The following ZFPM2 variants were observed in gnomAD, a reference collection of about 807,000 sequenced individuals.
The protein encoded by ZFPM2 is zinc finger protein, FOG family member 2, also known as zinc finger protein ZFPM2.
In ZFPM2, 20 loss-of-function variants were observed where a neutral mutation model predicts 98.6. The ratio of observed to expected loss-of-function variants is 0.20; its 90% CI spans 0.14 to 0.29. The LOEUF is 0.29. Ranked by LOEUF, ZFPM2 falls within the 10% of genes least tolerant of loss-of-function variation. The probability of loss-of-function intolerance (pLI) is 1.00; values close to 1 mark genes in which losing one functional copy is unlikely to be tolerated. For synonymous variants in ZFPM2, 518 were observed against 502.7 expected (o/e 1.03, Z -0.41); for missense variants, 1,310 against 1,388.6 (o/e 0.94, Z 0.90).
chr8:105,662,222 A>T (rs1817403251), intron 5 of ZFPM2: 1 of 152,232 alleles, frequency 6.6e-6, no homozygotes, highest in Admixed American at 6.5e-5. Flanking sequence ...GCACACAGTC[A>T]GGGGCTTGTT....
At chr8:105,360,495 T>C (rs1220691867) in intron 1 of ZFPM2, among the ~76,000 whole-genome samples, 4 of 152,200 alleles carry the variant, frequency 2.6e-5, no homozygotes, top group Non-Finnish European at 5.9e-5. Context: ...TATTATACTT[T>C]AAGTTTTAGG....
intron 4 of ZFPM2, among the ~76,000 whole-genome samples, chr8:105,587,356 T>C (rs531007326): frequency 6.6e-6 from 1 of 150,452 alleles, no homozygotes; most frequent in Non-Finnish European, 1.5e-5. Context: ...AAAGTGAAGA[T>C]GATGTGTCTC....
At position 105,501,533 on chromosome 8, in the gene ZFPM2, T is replaced by C. The variant is rs186630162; in HGVS notation, c.301+57152T>C. 1.4e-3 allele frequency among the ~76,000 whole-genome samples: 218 copies of C among 150,744 alleles called. 5 individuals are homozygous for C. The East Asian group carries it at 0.038, about 26-fold the overall frequency. Reference sequence around the variant, plus strand: ...TTCTTTTCTTTTTTGAGACTGAGTCTCACTCTGTCACCCAGGCTGGAGTGC... The same window carrying C: ...TTCTTTTCTTTTTTGAGACTGAGTCCCACTCTGTCACCCAGGCTGGAGTGC... On this transcript the variant is annotated intron_variant, in intron 3 of 7. Transcript: ENST00000407775.
At chr8:105,442,402 A>G (rs1812272824) in intron 2 of ZFPM2, among the ~76,000 whole-genome samples, 1 of 152,016 alleles carries the variant, frequency 6.6e-6, no homozygotes, top group African/African-American at 2.4e-5. Context: ...CTTACCTTGC[A>G]TTTTCATTTG....
At chr8:105,365,063 C>G (rs1393197993) in intron 1 of ZFPM2, among the ~76,000 whole-genome samples, 1 of 152,148 alleles carries the variant, frequency 6.6e-6, no homozygotes, top group East Asian at 1.9e-4. Context: ...TCTGATAAGA[C>G]CAGCTTGGTT....
chr8:105,560,286 T>C lies in ZFPM2; in HGVS notation c.302-1077T>C, dbSNP rs115787297. On this transcript the variant is annotated intron_variant, in intron 3 of 7. Coordinates refer to ENST00000407775, the MANE Select transcript of ZFPM2 (RefSeq NM_012082.4). ...ACATTAAAATTGACGCAAAAGTAAT[T>C]GTGGTTTTTGCCATAGTTTTGCACC... is the stretch of plus-strand genomic sequence containing the variant. Among the ~76,000 whole-genome samples, 737 of 152,186 alleles carry C rather than the reference T, an allele frequency of 4.8e-3. 10 individuals are homozygous for C. The highest frequency in any genetic ancestry group is 0.017 in the African/African-American group (709 of 41,546).
At chr8:105,394,671 G>T (rs1271390969) in intron 1 of ZFPM2, among the ~76,000 whole-genome samples, 1 of 152,194 alleles carries the variant, frequency 6.6e-6, no homozygotes, top group African/African-American at 2.4e-5. Context: ...GAGCGGCTTC[G>T]AGTGTGGGCT....
At chr8:105,646,324 AAGGG>A (rs1460134314) in intron 5 of ZFPM2, among the ~76,000 whole-genome samples, 2 of 152,080 alleles carry the variant, frequency 1.3e-5, no homozygotes, top group Non-Finnish European at 2.9e-5. Context: ...AAAACTGCAA[AAGGG>A]AGGGGTAGTG....
intron 5 of ZFPM2, among the ~76,000 whole-genome samples, chr8:105,637,427 A>G (rs1360402023): frequency 3.9e-5 from 6 of 152,128 alleles, no homozygotes; most frequent in African/African-American, 1.4e-4. Context: ...CCCTCTTGAA[A>G]ACTCACAATG....
intron 5 of ZFPM2, among the ~76,000 whole-genome samples, chr8:105,778,776 C>T (rs1165277544): frequency 1.3e-5 from 2 of 152,096 alleles, no homozygotes; most frequent in Non-Finnish European, 2.9e-5. Flanking sequence ...TATGCAAGAG[C>T]TATTTAAAAA....
At chr8:105,721,634 G>T (rs1409161972) in intron 5 of ZFPM2, among the ~76,000 whole-genome samples, 1 of 151,828 alleles carries the variant, frequency 6.6e-6, no homozygotes, top group Non-Finnish European at 1.5e-5. Context: ...ACTGTATTTA[G>T]GTCACTATTG....
intron 5 of ZFPM2, 68 bp downstream of exon 5, chr8:105,634,425 G>A: frequency 8.3e-7 from 1 of 1,212,038 alleles, no homozygotes; most frequent in Non-Finnish European, 1.2e-6. Context: ...AACAGCACCA[G>A]AAGAGCTGGA....
At chr8:105,474,668 CATT>C (rs1812978121) in intron 3 of ZFPM2, among the ~76,000 whole-genome samples, 1 of 152,140 alleles carries the variant, frequency 6.6e-6, no homozygotes, top group Non-Finnish European at 1.5e-5. Flanking sequence ...TATAGTCAAT[CATT>C]AGCTATCATT....
intron 5 of ZFPM2, among the ~76,000 whole-genome samples, chr8:105,649,996 G>T (rs1412373354): frequency 6.6e-6 from 1 of 152,154 alleles, no homozygotes; most frequent in African/African-American, 2.4e-5. Flanking sequence ...ATTTGGCTGT[G>T]AATCCATCTG....
At chr8:105,577,830 A>G (rs915899865) in intron 4 of ZFPM2, among the ~76,000 whole-genome samples, 6 of 151,650 alleles carry the variant, frequency 4.0e-5, no homozygotes, top group African/African-American at 1.2e-4. Flanking sequence ...AAGTGCTTCC[A>G]TATTATTTGA....
At chr8:105,647,120 C>A (rs754883080) in intron 5 of ZFPM2, among the ~76,000 whole-genome samples, 5 of 152,136 alleles carry the variant, frequency 3.3e-5, no homozygotes, top group African/African-American at 4.8e-5. Context: ...CGAAATCTGC[C>A]TGCTTCTTGT....
At chr8:105,352,060 A>G (rs1812656497) in intron 1 of ZFPM2, among the ~76,000 whole-genome samples, 1 of 152,178 alleles carries the variant, frequency 6.6e-6, no homozygotes, top group Non-Finnish European at 1.5e-5. Flanking sequence ...TGCATGCCGA[A>G]ATGAGAAAGC....
chr8:105,622,110 AAAAC>A (rs1586156576), intron 4 of ZFPM2, among the ~76,000 whole-genome samples: 1 of 152,132 alleles, frequency 6.6e-6, no homozygotes, highest in South Asian at 2.1e-4. Context: ...ATCTAGAAAA[AAAAC>A]AAAAAGAATT....
chr8:105,505,256 G>C (rs1813676075), intron 3 of ZFPM2, among the ~76,000 whole-genome samples: 1 of 152,164 alleles, frequency 6.6e-6, no homozygotes, highest in South Asian at 2.1e-4. Context: ...TGCACACACA[G>C]TAGATCGTCT....
Sources: allele counts gnomAD v4.1 joint callset (sites outside exome capture counted in the v4.1 genomes callset), GRCh38; gene constraint gnomAD v4.1.1; transcripts MANE v1.5; gene names NCBI Gene and HGNC (gene_info 2026-07-23, HGNC 2026-07-21).